The following CCDC138 variants were observed in gnomAD, a reference collection of about 807,000 sequenced individuals.
CCDC138 encodes coiled-coil domain-containing protein 138.
Under a neutral mutation model 82.3 loss-of-function variants are expected in CCDC138, and 66 were observed. That is an observed-to-expected ratio of 0.80 (90% CI 0.66 to 0.98). The LOEUF (loss-of-function observed/expected upper bound fraction) is 0.98. CCDC138 is among the 50% of genes least tolerant of loss of function. CCDC138 has a pLI of 0.00. For missense variants in CCDC138, 816 were observed against 758.9 expected, an observed-to-expected ratio of 1.08 and a Z score of -0.88; for synonymous variants, 297 against 265.4, an observed-to-expected ratio of 1.12 and a Z score of -1.16.
chr2:108,878,719 A>G (rs2105340846), downstream of CCDC138, among the ~76,000 whole-genome samples: 1 of 152,340 alleles, frequency 6.6e-6, no homozygotes, highest in South Asian at 2.1e-4. Flanking sequence ...GGGTAAGTCT[A>G]TCTTAGCCTT....
At chr2:108,792,813 C>G (rs901719829) in intron 4 of CCDC138, among the ~76,000 whole-genome samples, 1 of 152,186 alleles carries the variant, frequency 6.6e-6, no homozygotes, top group Non-Finnish European at 1.5e-5. Flanking sequence ...GCCTGTAATC[C>G]CAGCACTTTG....
intron 6 of CCDC138, 143 bp from the exon 7 acceptor site, chr2:108,804,746 C>T: frequency 1.7e-6 from 1 of 584,888 alleles, no homozygotes; most frequent in East Asian, 3.2e-5. Context: ...TTACTTGCCA[C>T]ACTAGTCACT....
intron 7 of CCDC138, among the ~76,000 whole-genome samples, chr2:108,809,845 G>A (rs148700891): frequency 2.2e-4 from 34 of 152,048 alleles, no homozygotes; most frequent in East Asian, 3.9e-4. Flanking sequence ...TCACTCTGTC[G>A]CCCAGGCTGG....
In CCDC138 at chr2:108,885,475, T is replaced by G. The variant is rs59105067; in HGVS notation, c.*418T>G. The G allele has an allele frequency of 1.6e-4, 25 of 152,354 alleles. No individual in the cohort carries two copies. The East Asian group carries it at 4.8e-3, about 29-fold the overall frequency. The allele number at this position is 152,354 out of a possible 1,614,324, so 9.4% of individuals were successfully genotyped here. On this transcript the variant is annotated 3_prime_UTR_variant, in exon 3 of 3. Coordinates refer to the CCDC138 transcript ENST00000608781. The stretch of plus-strand genomic sequence containing the variant: ...AAAGTTATACAATAAAATTGAAAAG[T>G]AAGTACTGTATCTGTAAAAATTAAT...
chr2:108,872,080 T>TA (rs1465988240), intron 13 of CCDC138, among the ~76,000 whole-genome samples: 1 of 152,222 alleles, frequency 6.6e-6, no homozygotes, highest in African/African-American at 2.4e-5. Context: ...CTTTTATACT[T>TA]AACCAGATCT....
intron 10 of CCDC138, among the ~76,000 whole-genome samples, chr2:108,825,061 A>G (rs1686328754): frequency 6.6e-6 from 1 of 152,222 alleles, no homozygotes; most frequent in South Asian, 2.1e-4. Flanking sequence ...TCCTGCCAGA[A>G]AACAAGTTAC....
intron 13 of CCDC138, among the ~76,000 whole-genome samples, chr2:108,870,390 T>C (rs1454346376): frequency 6.6e-6 from 1 of 152,124 alleles, no homozygotes; most frequent in Non-Finnish European, 1.5e-5. Flanking sequence ...GACCAGTTGA[T>C]GCATTACTGG....
At chr2:108,813,986 C>G (rs1684330556) in intron 9 of CCDC138, among the ~76,000 whole-genome samples, 1 of 152,152 alleles carries the variant, frequency 6.6e-6, no homozygotes, top group South Asian at 2.1e-4. Context: ...TTCCTTCATT[C>G]TTCTGTTGAT....
At chr2:108,872,766 A>C (rs1325382614) in intron 13 of CCDC138, among the ~76,000 whole-genome samples, 2 of 152,098 alleles carry the variant, frequency 1.3e-5, no homozygotes, top group East Asian at 3.9e-4. Flanking sequence ...ATGGCAGTTA[A>C]ATTTCAACAT....
intron 10 of CCDC138, among the ~76,000 whole-genome samples, chr2:108,825,022 T>TA (rs1326995665): frequency 3.9e-5 from 6 of 152,350 alleles, no homozygotes; most frequent in Admixed American, 3.3e-4. Flanking sequence ...GTATGGAAGA[T>TA]ACAGTACACA....
At chr2:108,869,051 A>T (rs951134421) in intron 13 of CCDC138, among the ~76,000 whole-genome samples, 6 of 151,596 alleles carry the variant, frequency 4.0e-5, no homozygotes, top group African/African-American at 1.5e-4. Flanking sequence ...CTTGAAGAAA[A>T]TTTTTTTTTC....
chr2:108,814,277 G>T (rs900472428), intron 9 of CCDC138, among the ~76,000 whole-genome samples: 2 of 152,110 alleles, frequency 1.3e-5, no homozygotes, highest in Non-Finnish European at 2.9e-5. Flanking sequence ...TCAACATTTG[G>T]TGTTTTCAGT....
At chr2:108,853,994 A>C (rs1367216550) in intron 12 of CCDC138, among the ~76,000 whole-genome samples, 1 of 10,694 alleles carries the variant, frequency 9.4e-5, no homozygotes, top group Non-Finnish European at 3.4e-4. Context: ...ATATATAATA[A>C]ATTTATATTA....
At chr2:108,800,658 G>A (rs532645642) in intron 6 of CCDC138, among the ~76,000 whole-genome samples, 2 of 110,062 alleles carry the variant, frequency 1.8e-5, no homozygotes, top group African/African-American at 7.9e-5. Context: ...TTAAGTTTTA[G>A]GGTACATGTG....
At chr2:108,869,894 CAAAG>C (rs1447840616) in intron 13 of CCDC138, among the ~76,000 whole-genome samples, 2 of 152,072 alleles carry the variant, frequency 1.3e-5, no homozygotes, top group Non-Finnish European at 2.9e-5. Flanking sequence ...GTAGAACACG[CAAAG>C]AAAGGATGAA....
At chr2:108,831,284 C>T (rs1411128595) in intron 10 of CCDC138, among the ~76,000 whole-genome samples, 1 of 152,138 alleles carries the variant, frequency 6.6e-6, no homozygotes, top group African/African-American at 2.4e-5. Context: ...GTTGAAAGGA[C>T]AAATTGTAAA....
chr2:108,815,203 A>G (rs2149898342), intron 9 of CCDC138, among the ~76,000 whole-genome samples: 1 of 152,278 alleles, frequency 6.6e-6, no homozygotes, highest in East Asian at 1.9e-4. Context: ...AGAGAAAGAT[A>G]AGTTTCATAG....
At chr2:108,825,493 C>T (rs1686415775) in intron 10 of CCDC138, among the ~76,000 whole-genome samples, 1 of 152,066 alleles carries the variant, frequency 6.6e-6, no homozygotes, top group Non-Finnish European at 1.5e-5. Flanking sequence ...CAGTCCTAGG[C>T]AACCACTAAT....
chr2:108,870,020 T>G (rs555615815), intron 13 of CCDC138, among the ~76,000 whole-genome samples: 8 of 152,136 alleles, frequency 5.3e-5, no homozygotes, highest in Non-Finnish European at 1.0e-4. Context: ...TTAAATATGC[T>G]CAATGAGCTA....
Sources: gnomAD v4.1 joint callset for allele counts (sites outside exome capture counted in the v4.1 genomes callset) on GRCh38, gnomAD v4.1.1 for gene constraint, MANE v1.5 for transcripts, NCBI Gene and HGNC (gene_info 2026-07-23, HGNC 2026-07-21) for gene names.